EXOC4: variants seen among roughly 807,000 people sequenced by gnomAD.
EXOC4 encodes exocyst complex component 4, also known as SEC8-like 1.
A neutral mutation model predicts 107.2 loss-of-function variants in EXOC4; 71 were observed. That is an observed-to-expected ratio of 0.66 (90% CI 0.55 to 0.81). The LOEUF is 0.81. Ranked by LOEUF, EXOC4 falls within the 30% of genes least tolerant of loss-of-function variation. The pLI is 0.00. For synonymous variants in EXOC4, 456 were observed against 441.2 expected, an observed-to-expected ratio of 1.03 and a Z score of -0.42; for missense variants, 1,108 against 1,189.6, an observed-to-expected ratio of 0.93 and a Z score of 1.01.
At chr7:133,484,342 T>C in intron 9 of EXOC4, 1 of 506,410 alleles carries the variant, frequency 2.0e-6, no homozygotes, top group Non-Finnish European at 3.3e-6. Flanking sequence ...GGTGGAGATC[T>C]AACTTGTGGG....
chr7:133,978,349 T>C (rs774881769), intron 14 of EXOC4, among the ~76,000 whole-genome samples: 2 of 152,220 alleles, frequency 1.3e-5, no homozygotes, highest in African/African-American at 2.4e-5. Flanking sequence ...TGCAGGGCAC[T>C]TTCCAAAAAT....
chr7:133,661,680 A>C (rs1301228769), intron 10 of EXOC4, among the ~76,000 whole-genome samples: 1 of 121,744 alleles, frequency 8.2e-6, no homozygotes, highest in Admixed American at 8.6e-5. Context: ...ACTAAAAAAA[A>C]AAAAAAAACA....
chr7:133,998,553 A>T (rs1281721551), intron 15 of EXOC4, among the ~76,000 whole-genome samples: 2 of 152,134 alleles, frequency 1.3e-5, no homozygotes, highest in African/African-American at 4.8e-5. Context: ...GGAGGCTGAT[A>T]TGCTTGTAGG....
intron 9 of EXOC4, among the ~76,000 whole-genome samples, chr7:133,624,569 C>T (rs1341703610): frequency 6.6e-6 from 1 of 152,088 alleles, no homozygotes; most frequent in East Asian, 1.9e-4. Context: ...GGCAACAGAG[C>T]AAGACTGCAT....
chr7:133,589,411 T>G (rs911713297), intron 9 of EXOC4, among the ~76,000 whole-genome samples: 8 of 152,198 alleles, frequency 5.3e-5, no homozygotes, highest in African/African-American at 1.9e-4. Context: ...CTGAACCCCT[T>G]CCACCTCTTG....
chr7:133,260,427 C>T (rs112254834), intron 1 of EXOC4, among the ~76,000 whole-genome samples: 7 of 152,238 alleles, frequency 4.6e-5, no homozygotes, highest in Non-Finnish European at 8.8e-5. Context: ...GCGTGCGCCA[C>T]CACACCCGGC....
chr7:133,629,126 T>A (rs1477127039), intron 9 of EXOC4, among the ~76,000 whole-genome samples: 1 of 152,206 alleles, frequency 6.6e-6, no homozygotes, highest in Admixed American at 6.5e-5. Flanking sequence ...GGTAACCATT[T>A]GTTTATGTAA....
At chr7:133,568,012 A>G (rs1466366534) in intron 9 of EXOC4, among the ~76,000 whole-genome samples, 3 of 152,232 alleles carry the variant, frequency 2.0e-5, no homozygotes, top group African/African-American at 7.2e-5. Context: ...TTTACCAAGT[A>G]ATGTTCTTCA....
At chr7:133,952,802 G>A (rs867477246) in intron 14 of EXOC4, among the ~76,000 whole-genome samples, 4 of 152,268 alleles carry the variant, frequency 2.6e-5, no homozygotes, top group Middle Eastern at 3.4e-3. Context: ...AGGTCCATCC[G>A]TGTTGAAGCA....
At chr7:133,847,058 A>G (rs1798141930) in intron 11 of EXOC4, among the ~76,000 whole-genome samples, 1 of 152,228 alleles carries the variant, frequency 6.6e-6, no homozygotes, top group African/African-American at 2.4e-5. Flanking sequence ...GATGGAGTGC[A>G]ATTTGATACT....
chr7:133,826,232 G>A (rs535057653), intron 11 of EXOC4, among the ~76,000 whole-genome samples: 15 of 151,968 alleles, frequency 9.9e-5, no homozygotes, highest in African/African-American at 2.7e-4. Flanking sequence ...GATAACATTC[G>A]TCCATGTTTT....
intron 17 of EXOC4, among the ~76,000 whole-genome samples, chr7:134,053,521 T>A (rs1795847233): frequency 6.6e-6 from 1 of 151,300 alleles, no homozygotes; most frequent in South Asian, 2.1e-4. Context: ...GAGTCCATGA[T>A]CTTAACCATT....
intron 9 of EXOC4, among the ~76,000 whole-genome samples, chr7:133,483,089 G>A (rs371197068): frequency 1.1e-4 from 16 of 152,160 alleles, no homozygotes; most frequent in African/African-American, 3.6e-4. Context: ...AGTTTGCCAC[G>A]AAACTATAAG....
chr7:133,903,758 G>A, intron 12 of EXOC4, among the ~76,000 whole-genome samples: 1 of 152,274 alleles, frequency 6.6e-6, no homozygotes, highest in East Asian at 1.9e-4. Context: ...TAAAACTATG[G>A]GACTAGATGA....
At chr7:133,624,226 G>A (rs1229248643) in intron 9 of EXOC4, among the ~76,000 whole-genome samples, 3 of 152,090 alleles carry the variant, frequency 2.0e-5, no homozygotes, top group African/African-American at 7.2e-5. Context: ...ATCATTTTAT[G>A]CTATTTTCAT....
chr7:134,016,441 A>G (rs1350361833), intron 17 of EXOC4, among the ~76,000 whole-genome samples: 1 of 152,202 alleles, frequency 6.6e-6, no homozygotes, highest in Non-Finnish European at 1.5e-5. Flanking sequence ...TGAAGACCAA[A>G]GAGAGTGCAT....
At chr7:133,500,252 T>C (rs576625201) in intron 9 of EXOC4, among the ~76,000 whole-genome samples, 2 of 152,308 alleles carry the variant, frequency 1.3e-5, no homozygotes, top group African/African-American at 4.8e-5. Context: ...ATACAGAACA[T>C]TTTCATTACC....
chr7:133,932,083 C>T (rs1027494794), intron 13 of EXOC4, among the ~76,000 whole-genome samples: 1 of 152,186 alleles, frequency 6.6e-6, no homozygotes, highest in African/African-American at 2.4e-5. Flanking sequence ...CATGTCAAAA[C>T]GTAACTGACT....
At chr7:133,988,349 G>A (rs893847334) in intron 14 of EXOC4, among the ~76,000 whole-genome samples, 8 of 152,174 alleles carry the variant, frequency 5.3e-5, no homozygotes, top group Non-Finnish European at 1.0e-4. Flanking sequence ...AGTTAGAGTT[G>A]TAAATGGCAA....
Sources: gnomAD v4.1 joint callset for allele counts (sites outside exome capture counted in the v4.1 genomes callset) on GRCh38, gnomAD v4.1.1 for gene constraint, MANE v1.5 for transcripts, NCBI Gene and HGNC (gene_info 2026-07-23, HGNC 2026-07-21) for gene names.